Variants in DGKG observed in about 807,000 individuals in gnomAD.
DGKG encodes the protein diacylglycerol kinase gamma.
A neutral mutation model predicts 105.3 loss-of-function variants in DGKG; 78 were observed. The observed-to-expected ratio is 0.74, with a 90% CI of 0.62 to 0.89. The LOEUF (loss-of-function observed/expected upper bound fraction) is 0.89, where lower values mean the gene tolerates loss of function less well. Among genes scored for constraint, DGKG ranks in the 40% least tolerant of loss-of-function variants. DGKG has a pLI of 0.00. For synonymous variants in DGKG, 346 were observed against 367.1 expected (o/e 0.94, Z 0.66); for missense variants, 958 against 1,020.1 (o/e 0.94, Z 0.83).
Position 186,210,495 on chromosome 3 carries a change from T to C in DGKG, c.1917+1300A>G, listed in dbSNP as rs1229411816. On this transcript the variant is annotated intron_variant, in intron 21 of 24. Coordinates refer to ENST00000265022, the MANE Select transcript of DGKG (RefSeq NM_001346.3). The surrounding 1 kb of genome is among the most constrained non-coding windows in gnomAD (Gnocchi z 5.2). The stretch of plus-strand genomic sequence containing the variant: ...CAAGCTGGCCAAAAGTTCAGGGGAT[T>C]AGCCAGATCGGCGCCTCCCACCCTG... Among the ~76,000 whole-genome samples, 1 of 152,192 alleles carries C rather than the reference T, an allele frequency of 6.6e-6. No homozygotes were observed. The highest frequency in any genetic ancestry group is 2.4e-5 in the African/African-American group (1 of 41,446).
At chr3:186,197,150 G>T (rs1028533221) in intron 21 of DGKG, among the ~76,000 whole-genome samples, 1 of 152,074 alleles carries the variant, frequency 6.6e-6, no homozygotes, top group Non-Finnish European at 1.5e-5. Flanking sequence ...AGAGTTGGCC[G>T]GGGGGTAGCT....
At chr3:186,158,322 T>A (rs1394521863) in intron 24 of DGKG, 1 of 906,658 alleles carries the variant, frequency 1.1e-6, no homozygotes, top group African/African-American at 1.8e-5. Flanking sequence ...CCAAATATAG[T>A]TTAGGCTATA....
intron 22 of DGKG, among the ~76,000 whole-genome samples, chr3:186,168,214 C>T (rs778174463): frequency 2.0e-5 from 3 of 152,188 alleles, no homozygotes; most frequent in Non-Finnish European, 4.4e-5. Context: ...GAATTACTGT[C>T]CAGAGACTCT....
intron 24 of DGKG, chr3:186,161,187 AGT>A: frequency 1.0e-6 from 1 of 996,700 alleles, no homozygotes; most frequent in Non-Finnish European, 1.2e-6. Flanking sequence ...AGGTAAGGTA[AGT>A]GTGTAGATTT....
rs938660376 is a variant in DGKG at position 186,148,396 on chromosome 3, C to T, written c.*1694G>A. 5.1e-6 allele frequency: 5 copies of T among 985,270 alleles called. No homozygotes were observed. In the African/African-American group the frequency reaches 7.0e-5, roughly 14 times the overall value. 61.0% of individuals were successfully genotyped at this position (985,270 alleles called of 1,614,324 possible). A position where few individuals can be genotyped will look rare whatever the true frequency, so the allele number is the denominator to read the frequency against. On this transcript the variant is annotated 3_prime_UTR_variant, in exon 25 of 25. Coordinates refer to ENST00000265022, the MANE Select transcript of DGKG (RefSeq NM_001346.3). ...TTCAGTCTGATGATCTGTTTAGTAC[C>T]TTCGATCTCAGACCAACTTCTTTTC...
intron 2 of DGKG, 69 bp downstream of exon 2, chr3:186,320,324 T>A: frequency 6.3e-7 from 1 of 1,597,296 alleles, no homozygotes; most frequent in Non-Finnish European, 8.6e-7. Context: ...CATACTGCTA[T>A]GCTTTCCAGA....
chr3:186,244,873 C>T (rs62289013), intron 19 of DGKG, among the ~76,000 whole-genome samples: 2,135 of 152,232 alleles, frequency 0.014, 31 homozygotes, highest in Middle Eastern at 0.051. Context: ...CAGACTGTAC[C>T]CACCTCCCAC....
At chr3:186,193,227 T>A (rs1422266701) in intron 21 of DGKG, among the ~76,000 whole-genome samples, 5 of 152,210 alleles carry the variant, frequency 3.3e-5, no homozygotes, top group Non-Finnish European at 5.9e-5. Context: ...CGTGCCTGCC[T>A]GGGCTTGAAG....
intron 16 of DGKG, among the ~76,000 whole-genome samples, chr3:186,259,230 G>T (rs997796225): frequency 6.6e-6 from 1 of 152,204 alleles, no homozygotes; most frequent in Admixed American, 6.5e-5. Context: ...TAGCCACCTG[G>T]CTCGTCGTCT....
At chr3:186,259,345 G>T (rs912643378) in intron 16 of DGKG, among the ~76,000 whole-genome samples, 1 of 152,226 alleles carries the variant, frequency 6.6e-6, no homozygotes, top group Non-Finnish European at 1.5e-5. Flanking sequence ...CCGTCACAAG[G>T]CTGTACTGTT....
At chr3:186,185,236 A>G (rs927803062) in intron 22 of DGKG, among the ~76,000 whole-genome samples, 1 of 152,228 alleles carries the variant, frequency 6.6e-6, no homozygotes, top group African/African-American at 2.4e-5. Flanking sequence ...TTCAAGAAGA[A>G]AGCTCAGTGC....
At chr3:186,323,933 T>C (rs1217205695) in intron 1 of DGKG, among the ~76,000 whole-genome samples, 1 of 98,502 alleles carries the variant, frequency 1.0e-5, no homozygotes, top group Non-Finnish European at 2.0e-5. Flanking sequence ...TGAGACTCCG[T>C]CTCAAAAAAA....
At chr3:186,279,785 A>T in intron 9 of DGKG, 66 bp downstream of exon 9, 1 of 1,581,964 alleles carries the variant, frequency 6.3e-7, no homozygotes, top group Non-Finnish European at 8.6e-7. Flanking sequence ...TGATATGTTG[A>T]TATTAACATG....
chr3:186,197,361 G>T (rs760455500), intron 21 of DGKG, among the ~76,000 whole-genome samples: 28 of 152,052 alleles, frequency 1.8e-4, no homozygotes, highest in Non-Finnish European at 3.4e-4. Flanking sequence ...GATCAGAGCC[G>T]CAGATAGACC....
rs1718573200 is a variant in DGKG at position 186,203,451 on chromosome 3, C to T, written c.1917+8344G>A. Among the ~76,000 whole-genome samples, 1 of 152,114 alleles carries T rather than the reference C, an allele frequency of 6.6e-6. No individual in the cohort carries two copies. The highest frequency in any genetic ancestry group is 1.5e-5 in the Non-Finnish European group (1 of 68,014). On this transcript the variant is annotated intron_variant, in intron 21 of 24. Transcript: ENST00000265022. The surrounding 1 kb of genome is among the most constrained non-coding windows in gnomAD (Gnocchi z 4.9). ...AATGTTCTGCCATGAATTTGGATTA[C>T]CTTTGTAATCGGGAAAAGAGGTTAG...
intron 3 of DGKG, among the ~76,000 whole-genome samples, chr3:186,306,427 G>A (rs544092936): frequency 6.6e-6 from 1 of 152,118 alleles, no homozygotes; most frequent in East Asian, 1.9e-4. Flanking sequence ...GAGGGAGTCT[G>A]GGGAAGATAT....
intron 19 of DGKG, among the ~76,000 whole-genome samples, chr3:186,250,663 C>T (rs1721173473): frequency 6.8e-6 from 1 of 148,130 alleles, no homozygotes; most frequent in Non-Finnish European, 1.5e-5. Context: ...AATTCTCCTG[C>T]CTCAGCCTCC....
At position 186,210,087 on chromosome 3, in the gene DGKG, AAACCCAGAGG is replaced by A. The variant is rs1718959088; in HGVS notation, c.1917+1698_1917+1707del. 6.6e-6 allele frequency among the ~76,000 whole-genome samples: 1 copy of A among 152,136 alleles called. No homozygotes were observed. Among genetic ancestry groups the A allele is most frequent in the Admixed American group, 6.5e-5 (1 of 15,278 alleles). On this transcript the variant is annotated intron_variant, in intron 21 of 24. Transcript: ENST00000265022. This position sits in a 1 kb window ranked among gnomAD's most constrained non-coding sequence, Gnocchi z 5.2. ...GGTTGAGGAAGAGCCTCTGTCTCTC[AAACCCAGAGG>A]GGACTGTGGGGCCTGGAGCCGGGAG...
rs1715613197 is a variant in DGKG, at chr3:186,148,761, G to A, written c.*1329C>T. ...TGCTTGTTTTGAGGATCCAGAATAG[G>A]AGTTCTCGGTCTCTTCGTTCATAAT... On this transcript the variant is annotated 3_prime_UTR_variant, in exon 25 of 25. Transcript: ENST00000265022. The A allele has an allele frequency of 2.0e-6, 2 of 985,468 alleles. No individual in the cohort carries two copies. The highest frequency in any genetic ancestry group is 9.4e-5 in the South Asian group (2 of 21,272). 61.0% of individuals were successfully genotyped at this position (985,468 alleles called of 1,614,324 possible).
Sources: allele counts gnomAD v4.1 joint callset (sites outside exome capture counted in the v4.1 genomes callset), GRCh38; gene constraint gnomAD v4.1.1; non-coding constraint Gnocchi (gnomAD v3.1); transcripts MANE v1.5; gene names NCBI Gene and HGNC (gene_info 2026-07-23, HGNC 2026-07-21).